The following IQCM variants were observed in gnomAD, a reference collection of about 807,000 sequenced individuals.
IQCM encodes the protein IQ domain-containing protein M.
In IQCM, 45 loss-of-function variants were observed where a neutral mutation model predicts 57.6. That is an observed-to-expected ratio of 0.78 (90% confidence interval 0.62 to 1.00). The LOEUF (loss-of-function observed/expected upper bound fraction) is 1.00, where lower values mean the gene tolerates loss of function less well. Among genes scored for constraint, IQCM ranks in the 50% least tolerant of loss-of-function variants. The pLI, the probability that IQCM is intolerant of heterozygous loss-of-function variation, is 0.00. For synonymous variants in IQCM, 148 were observed against 158.9 expected (o/e 0.93, Z 0.51); for missense variants, 468 against 511.6 (o/e 0.91, Z 0.82).
At chr4:149,726,875 C>T (rs1403101320) in intron 5 of IQCM, among the ~76,000 whole-genome samples, 1 of 152,046 alleles carries the variant, frequency 6.6e-6, no homozygotes, top group East Asian at 1.9e-4. Flanking sequence ...CAGCCTCCGC[C>T]TCCCAGGTAG....
chr4:149,453,975 T>C (rs774957654), intron 12 of IQCM, among the ~76,000 whole-genome samples: 1 of 151,612 alleles, frequency 6.6e-6, no homozygotes, highest in Non-Finnish European at 1.5e-5. Context: ...GTTCATCAAC[T>C]GATGAGTAGG....
Position 149,521,874 on chromosome 4 carries a change from C to T in IQCM, c.1228+26581G>A, listed in dbSNP as rs148137996. Among the ~76,000 whole-genome samples, 466 of 152,238 alleles carry T rather than the reference C, an allele frequency of 3.1e-3. 2 individuals carry two copies. The highest frequency in any genetic ancestry group is 0.011 in the African/African-American group (446 of 41,532). On this transcript the variant is annotated intron_variant, in intron 12 of 13. Coordinates refer to ENST00000636793, the MANE Select transcript of IQCM (RefSeq NM_001363507.2). Reference sequence around the variant, plus strand: ...TGGGCCTGGAGAGCATGAGTAAATCCGGGGCTCAGGCCAGGGCTCAGTAGA... The same window carrying T: ...TGGGCCTGGAGAGCATGAGTAAATCTGGGGCTCAGGCCAGGGCTCAGTAGA...
At chr4:149,563,040 TG>T (rs1166188931) in intron 10 of IQCM, among the ~76,000 whole-genome samples, 1 of 152,212 alleles carries the variant, frequency 6.6e-6, no homozygotes, top group African/African-American at 2.4e-5. Context: ...TTTTCCAAGA[TG>T]GACCCACTTA....
intron 13 of IQCM, among the ~76,000 whole-genome samples, chr4:149,405,681 T>C (rs1732923263): frequency 6.6e-6 from 1 of 151,730 alleles, no homozygotes; most frequent in Admixed American, 6.6e-5. Flanking sequence ...GCTTCTGAAA[T>C]AGCTCTGAAT....
At chr4:149,410,467 CATATT>C (rs1236789062) in intron 13 of IQCM, among the ~76,000 whole-genome samples, 1 of 148,116 alleles carries the variant, frequency 6.8e-6, no homozygotes, top group Non-Finnish European at 1.5e-5. Context: ...TATATTTTTT[CATATT>C]ATATATCAAT....
At chr4:149,709,287 G>A (rs1247879044) in intron 5 of IQCM, among the ~76,000 whole-genome samples, 1 of 152,042 alleles carries the variant, frequency 6.6e-6, no homozygotes, top group African/African-American at 2.4e-5. Flanking sequence ...TGAAAGTAAG[G>A]TTTAAATACA....
intron 13 of IQCM, among the ~76,000 whole-genome samples, chr4:149,409,709 G>A (rs2111168217): frequency 1.3e-5 from 2 of 152,168 alleles, no homozygotes; most frequent in South Asian, 4.1e-4. Flanking sequence ...TGTTCTCCCT[G>A]GTGTTTCCTC....
At chr4:149,781,371 C>G (rs1382611262) in intron 2 of IQCM, among the ~76,000 whole-genome samples, 1 of 152,164 alleles carries the variant, frequency 6.6e-6, no homozygotes, top group African/African-American at 2.4e-5. Flanking sequence ...CACTCCATCC[C>G]ACCCAGGATG....
chr4:149,394,528 G>A (rs571300962), intron 13 of IQCM, among the ~76,000 whole-genome samples: 27 of 152,100 alleles, frequency 1.8e-4, no homozygotes, highest in African/African-American at 6.5e-4. Flanking sequence ...GGTTTGCGCA[G>A]TCACACCTGC....
chr4:149,645,144 A>C (rs1027856376), intron 7 of IQCM, among the ~76,000 whole-genome samples: 5 of 152,070 alleles, frequency 3.3e-5, no homozygotes, highest in African/African-American at 1.2e-4. Context: ...GTTCCTCCTC[A>C]TTTACTCTTT....
At chr4:149,686,279 T>G (rs1014876918) in intron 6 of IQCM, 99 bp downstream of exon 6, 1 of 460,822 alleles carries the variant, frequency 2.2e-6, no homozygotes, top group Non-Finnish European at 3.5e-6. Flanking sequence ...GTATGGGGTG[T>G]TAATAGAAAA....
intron 13 of IQCM, among the ~76,000 whole-genome samples, chr4:149,395,621 C>A (rs1380236477): frequency 6.6e-6 from 1 of 151,962 alleles, no homozygotes; most frequent in Non-Finnish European, 1.5e-5. Context: ...GCCCAACTGA[C>A]ATGTGGTTGT....
At chr4:149,672,402 C>G (rs1000898809) in intron 7 of IQCM, among the ~76,000 whole-genome samples, 1 of 152,080 alleles carries the variant, frequency 6.6e-6, no homozygotes, top group Non-Finnish European at 1.5e-5. Context: ...AAGAGGCTAA[C>G]TAGAAGAAAC....
At chr4:149,796,109 A>C (rs1773089198) in intron 2 of IQCM, among the ~76,000 whole-genome samples, 1 of 152,144 alleles carries the variant, frequency 6.6e-6, no homozygotes, top group South Asian at 2.1e-4. Flanking sequence ...TGGGGCCATG[A>C]GGTATCCAAT....
intron 7 of IQCM, among the ~76,000 whole-genome samples, chr4:149,661,566 G>A (rs1265042414): frequency 2.0e-5 from 3 of 152,120 alleles, no homozygotes. Context: ...TTTCAGCAGT[G>A]AAGTCATCAG....
At chr4:149,486,440 T>G (rs2149764773) in intron 12 of IQCM, among the ~76,000 whole-genome samples, 1 of 152,026 alleles carries the variant, frequency 6.6e-6, no homozygotes, top group Middle Eastern at 3.4e-3. Flanking sequence ...TCCACTGGGG[T>G]TCTGTTCACT....
chr4:149,743,200 T>C (rs1221068081), intron 2 of IQCM, among the ~76,000 whole-genome samples: 1 of 152,172 alleles, frequency 6.6e-6, no homozygotes, highest in Non-Finnish European at 1.5e-5. Flanking sequence ...ACATACCTTA[T>C]ACACTCCTGC....
At chr4:149,739,476 T>G (rs1330003450) in intron 3 of IQCM, among the ~76,000 whole-genome samples, 1 of 151,892 alleles carries the variant, frequency 6.6e-6, no homozygotes, top group Admixed American at 6.6e-5. Context: ...AATTTTTTTT[T>G]TTTTTTTAGT....
chr4:149,792,980 G>A (rs1580314464), intron 2 of IQCM, among the ~76,000 whole-genome samples: 1 of 152,216 alleles, frequency 6.6e-6, no homozygotes, highest in East Asian at 1.9e-4. Context: ...ATCCTGAAAA[G>A]ATACATAAAT....
Sources: allele counts gnomAD v4.1 joint callset (sites outside exome capture counted in the v4.1 genomes callset), GRCh38; gene constraint gnomAD v4.1.1; transcripts MANE v1.5; gene names NCBI Gene and HGNC (gene_info 2026-07-23, HGNC 2026-07-21).